The following NCOR1 variants were observed in gnomAD, a reference collection of about 807,000 sequenced individuals.
NCOR1 encodes the protein protein phosphatase 1, regulatory subunit 109.
NCOR1 carries 63 observed loss-of-function variants against 288.1 expected under a neutral mutation model. The ratio of observed to expected loss-of-function variants is 0.22; its 90% CI spans 0.18 to 0.27. The LOEUF is 0.27. NCOR1 is among the 10% of genes least tolerant of loss of function. NCOR1 has a pLI of 1.00. For synonymous variants in NCOR1, 1,007 were observed against 1,065.9 expected (o/e 0.94, Z 1.08); for missense variants, 2,397 against 3,019.2 (o/e 0.79, Z 4.83).
rs772795537 is a variant in NCOR1, at chr17:16,072,131, A to G, written c.3895+14T>C. 1 of 1,580,266 alleles carries G rather than the reference A, an allele frequency of 6.3e-7. No homozygotes were observed. The highest frequency in any genetic ancestry group is 1.8e-5 in the Admixed American group (1 of 56,250). ...CAGTTATAAATAAAAATGCAAAACA[A>G]GCAGAAAGTTTACCCTGCATTATGG... On this transcript the variant is annotated intron_variant, in intron 29 of 45. Coordinates refer to ENST00000268712, the MANE Select transcript of NCOR1 (RefSeq NM_006311.4).
rs374965263 is a variant in NCOR1 at position 16,101,294 on chromosome 17, C to T, written c.2646G>A (p.Thr882=). ...CATCCACATCCTCATCAGCGCTGCA[C>T]GTGGCACTGGAATCATTGTCTGACT... is the stretch of plus-strand genomic sequence containing the variant. ...EPQSDNDSSA[T]CSADEDVDGE... is the part of the protein sequence containing the mutation. Residue 882 remains threonine, a synonymous_variant, in exon 20 of 46, where the codon ACG becomes ACA. Coordinates refer to ENST00000268712, the MANE Select transcript of NCOR1 (RefSeq NM_006311.4). 3.1e-6 allele frequency: 5 copies of T among 1,612,310 alleles called. No individual in the cohort carries two copies. In the East Asian group the frequency reaches 6.7e-5, roughly 22 times the overall value.
At chr17:16,070,108 T>G (rs2061574271) in intron 31 of NCOR1, 57 bp downstream of exon 31, 3 of 1,516,114 alleles carry the variant, frequency 2.0e-6, no homozygotes, top group Non-Finnish European at 2.6e-6. Flanking sequence ...CAAAGGTTTT[T>G]TTTTTTTTTT....
intron 1 of NCOR1, among the ~76,000 whole-genome samples, chr17:16,202,757 C>T (rs1272886213): frequency 1.3e-5 from 2 of 152,226 alleles, no homozygotes; most frequent in South Asian, 4.1e-4. Context: ...TCTGCTGCTG[C>T]CTCCCCTTTG....
chr17:16,165,105 T>C lies in NCOR1; in HGVS notation c.492A>G (p.Pro164=), dbSNP rs1458934782. ...GTGAAGCATTTTGATCATCTCCACA[T>C]GGTTGCCCCGAAATTGGAGAGGATG... The part of the protein sequence containing the change: ...EAPSSPISGQ[P]CGDDQNASPS... The change falls in exon 5 of 46, where the codon CCA becomes CCG. Residue 164 remains proline, a synonymous_variant. Transcript: ENST00000268712. The C allele has an allele frequency of 5.6e-6, 9 of 1,610,116 alleles. No individual in the cohort carries two copies. The highest frequency in any genetic ancestry group is 5.0e-5 in the Admixed American group (3 of 59,440).
intron 13 of NCOR1, 177 bp downstream of exon 13, chr17:16,137,981 G>A: frequency 1.9e-6 from 1 of 537,252 alleles, no homozygotes; most frequent in East Asian, 3.1e-5. Context: ...TTAGTTCTGT[G>A]TTCTGTGTTA....
chr17:16,058,609 A>T lies in NCOR1; in HGVS notation c.5882-10T>A. On this transcript the variant is annotated splice_polypyrimidine_tract_variant and intron_variant, in intron 37 of 45. Transcript: ENST00000268712. ...TACCTGTGAGAAGATACTTTAAGAAAAGAAAATCTTATTTCAAAACTAATC... is the reference window on the plus strand; with the variant it reads ...TACCTGTGAGAAGATACTTTAAGAATAGAAAATCTTATTTCAAAACTAATC... 2 of 1,586,550 alleles carry T rather than the reference A, an allele frequency of 1.3e-6. No individual in the cohort carries two copies. Among genetic ancestry groups the T allele is most frequent in the Non-Finnish European group, 1.7e-6 (2 of 1,166,608 alleles).
chr17:16,139,490 G>C (rs538864820), intron 11 of NCOR1, among the ~76,000 whole-genome samples: 61 of 152,252 alleles, frequency 4.0e-4, no homozygotes, highest in African/African-American at 1.3e-3. Flanking sequence ...AAGATAAAAA[G>C]TAATGTCAAG....
Position 16,048,956 on chromosome 17 carries a change from A to T in NCOR1, c.6425T>A (p.Val2142Asp). 6.2e-7 allele frequency: 1 copy of T among 1,612,002 alleles called. No homozygotes were observed. The highest frequency in any genetic ancestry group is 1.3e-5 in the African/African-American group (1 of 74,942). Reference sequence around the variant, plus strand: ...GATGGGCTCGTAGGGCTCCGAAGAGACGTGACTCCTCTCTGGGGATTTTCC... The same window carrying T: ...GATGGGCTCGTAGGGCTCCGAAGAGTCGTGACTCCTCTCTGGGGATTTTCC... ...RPGKSPERSHVSSEPYEPISP... is the reference protein window; with the variant it reads ...RPGKSPERSHDSSEPYEPISP... Residue 2142 changes from valine to aspartate, a missense_variant, in exon 41 of 46, where the codon GTC becomes GAC. By Grantham distance (152) the Val-to-Asp change is radical (BLOSUM62 -3). Transcript: ENST00000268712.
chr17:16,101,398 T>C lies in NCOR1; in HGVS notation c.2542A>G (p.Arg848Gly). The C allele has an allele frequency of 6.2e-7, 1 of 1,614,258 alleles. No individual in the cohort carries two copies. Among genetic ancestry groups the C allele is most frequent in the Non-Finnish European group, 8.5e-7 (1 of 1,180,048 alleles). Residue 848 changes from arginine (R) to glycine (G), a missense_variant, in exon 20 of 46, where the codon AGA becomes GGA. Physicochemically the swap from Arg to Gly is moderately radical, Grantham distance 125. Around this residue, in one of 11 missense-constraint regions of NCOR1, gnomAD observed 1,872 missense variants for 2,187.8 expected, o/e 0.86. Transcript: ENST00000268712. The stretch of plus-strand genomic sequence containing the variant: ...CTAGGTTCCACCTTCTCACTGGCTC[T>C]ATCCAAGTCTCTTTCTTTGGTATTA... ...GDNTKERDLD[R>G]ASEKVEPRDE...
Position 16,119,496 on chromosome 17 carries a change from G to T in NCOR1, c.1853-11C>A. Reference sequence around the variant, plus strand: ...CAGGCTCTGTAGAAACTAAAATAAAGAGAGAACCCAATCAGGCAGAGAAAA... The same window carrying T: ...CAGGCTCTGTAGAAACTAAAATAAATAGAGAACCCAATCAGGCAGAGAAAA... On this transcript the variant is annotated splice_polypyrimidine_tract_variant and intron_variant, in intron 16 of 45. Transcript: ENST00000268712. The T allele has an allele frequency of 6.3e-7, 1 of 1,578,744 alleles. No individual in the cohort carries two copies. Among genetic ancestry groups the T allele is most frequent in the South Asian group, 1.2e-5 (1 of 85,568 alleles).
chr17:16,049,921 C>T (rs1318963791), intron 40 of NCOR1, among the ~76,000 whole-genome samples: 2 of 152,154 alleles, frequency 1.3e-5, no homozygotes, highest in African/African-American at 4.8e-5. Context: ...AGACAGGGTC[C>T]CGCTCGTTGC....
At chr17:16,058,281 TA>T in intron 38 of NCOR1, 189 bp downstream of exon 38, 1 of 908,916 alleles carries the variant, frequency 1.1e-6, no homozygotes. Flanking sequence ...CAAACAAAAT[TA>T]ATATAAACAA....
Position 16,203,040 on chromosome 17 carries a change from TACACAC to T in NCOR1, c.-70-8407_-70-8402del, listed in dbSNP as rs57228948. ...AACAGCAAGTTGTTTAGCTGTTCCT[TACACAC>T]ACACACACACACACACACACACACA... is the stretch of plus-strand genomic sequence containing the variant. On this transcript the variant is annotated intron_variant, in intron 1 of 45. Coordinates refer to ENST00000268712, the MANE Select transcript of NCOR1 (RefSeq NM_006311.4). Among the ~76,000 whole-genome samples the T allele has an allele frequency of 6.5e-3, 954 of 147,046 alleles. 3 individuals are homozygous for T. The highest frequency in any genetic ancestry group is 0.01 in the Middle Eastern group (3 of 286).
intron 14 of NCOR1, among the ~76,000 whole-genome samples, chr17:16,132,214 T>C (rs7214600): frequency 1.3e-5 from 2 of 152,132 alleles, no homozygotes; most frequent in African/African-American, 4.8e-5. Context: ...TGAATTCCTG[T>C]GGAAAGTAAT....
chr17:16,103,199 A>G lies in NCOR1; in HGVS notation c.2183-1442T>C, dbSNP rs78521654. Among the ~76,000 whole-genome samples the G allele has an allele frequency of 7.4e-4, 112 of 152,304 alleles. 8 individuals are homozygous for G. The East Asian group carries it at 0.022, about 29-fold the overall frequency. ...GATTCTTTTCTAGGGTTTACTATCC[A>G]ATTAAACAAAACAGAGACCAAGAAG... On this transcript the variant is annotated intron_variant, in intron 19 of 45. Transcript: ENST00000268712.
At chr17:16,170,254 G>A (rs200053024) in intron 4 of NCOR1, among the ~76,000 whole-genome samples, 1 of 151,838 alleles carries the variant, frequency 6.6e-6, no homozygotes, top group East Asian at 1.9e-4. Flanking sequence ...TATTTATCTG[G>A]TATCAGGGAA....
At position 16,102,569 on chromosome 17, in the gene NCOR1, G is replaced by A. The variant is rs536536509; in HGVS notation, c.2183-812C>T. Among the ~76,000 whole-genome samples the A allele has an allele frequency of 5.3e-5, 8 of 151,828 alleles. No individual in the cohort carries two copies. The South Asian group carries it at 1.7e-3, about 32-fold the overall frequency. ...TTGGGTACTAAATCTTCAAAATCTG[G>A]TGTGCATTTTACATTTTCTGCATAT... On this transcript the variant is annotated intron_variant, in intron 19 of 45. Coordinates refer to ENST00000268712, the MANE Select transcript of NCOR1 (RefSeq NM_006311.4).
intron 35 of NCOR1, among the ~76,000 whole-genome samples, chr17:16,063,187 A>G (rs986506680): frequency 6.6e-6 from 1 of 152,056 alleles, no homozygotes; most frequent in African/African-American, 2.4e-5. Context: ...AATTAAATTA[A>G]AAAATTTTTA....
In NCOR1 at chr17:16,052,815, A is replaced by G. The variant is rs544038996; in HGVS notation, c.6393-3827T>C. On this transcript the variant is annotated intron_variant, in intron 40 of 45. Transcript: ENST00000268712. ...ACAATAAAAAGAAAACTTCCGGCCA[A>G]TATCCTTGATGAACATGAATGCAAA... Among the ~76,000 whole-genome samples the G allele has an allele frequency of 3.3e-5, 5 of 152,354 alleles. No individual in the cohort carries two copies. The South Asian group carries it at 1.0e-3, about 32-fold the overall frequency.
Sources: allele counts gnomAD v4.1 joint callset (sites outside exome capture counted in the v4.1 genomes callset), GRCh38; gene constraint gnomAD v4.1.1; regional missense constraint gnomAD v4.1.1; transcripts MANE v1.5; gene names NCBI Gene and HGNC (gene_info 2026-07-23, HGNC 2026-07-21).